CCAR1: variants seen among roughly 807,000 people sequenced by gnomAD.
CCAR1 encodes the protein cell division cycle and apoptosis regulator protein 1.
In CCAR1, 78 loss-of-function variants were observed where a neutral mutation model predicts 163.8. That is an observed-to-expected ratio of 0.48 (90% CI 0.40 to 0.57). CCAR1 has a LOEUF of 0.57. CCAR1 is among the 20% of genes least tolerant of loss of function. CCAR1 has a pLI of 0.00. For missense variants in CCAR1, 1,019 were observed against 1,365.2 expected, an observed-to-expected ratio of 0.75 and a Z score of 4.00; for synonymous variants, 443 against 460.7, an observed-to-expected ratio of 0.96 and a Z score of 0.49.
At chr10:68,768,846 G>A (rs1231942285) in intron 17 of CCAR1, among the ~76,000 whole-genome samples, 1 of 152,038 alleles carries the variant, frequency 6.6e-6, no homozygotes, top group African/African-American at 2.4e-5. Context: ...TGAAAAATAG[G>A]CTAAAATAAA....
At chr10:68,755,821 T>A (rs774030225) in intron 13 of CCAR1, among the ~76,000 whole-genome samples, 12 of 152,254 alleles carry the variant, frequency 7.9e-5, no homozygotes, top group Non-Finnish European at 1.5e-4. Flanking sequence ...CATGCATAGC[T>A]GGAGAAGATC....
At chr10:68,790,129 G>A (rs778923018) in intron 24 of CCAR1, among the ~76,000 whole-genome samples, 12 of 152,032 alleles carry the variant, frequency 7.9e-5, no homozygotes, top group South Asian at 2.1e-4. Context: ...CAACGCGGGC[G>A]GATCACCTGA....
chr10:68,774,706 A>T (rs1239450754), intron 19 of CCAR1, among the ~76,000 whole-genome samples: 1 of 152,150 alleles, frequency 6.6e-6, no homozygotes, highest in African/African-American at 2.4e-5. Flanking sequence ...TATAGAGTTT[A>T]AAGGCTAATA....
At chr10:68,782,956 A>G (rs1259902454) in intron 19 of CCAR1, among the ~76,000 whole-genome samples, 2 of 151,406 alleles carry the variant, frequency 1.3e-5, no homozygotes, top group African/African-American at 4.9e-5. Context: ...TGGCTGCAAC[A>G]TCTATTCTGC....
chr10:68,774,420 C>G (rs928843344), intron 19 of CCAR1, among the ~76,000 whole-genome samples: 4 of 151,884 alleles, frequency 2.6e-5, no homozygotes, highest in South Asian at 4.1e-4. Context: ...GGTGGATCAC[C>G]TGAGGTCAGG....
chr10:68,727,679 A>G (rs1033049261), intron 2 of CCAR1, among the ~76,000 whole-genome samples: 2 of 152,168 alleles, frequency 1.3e-5, no homozygotes, highest in African/African-American at 2.4e-5. Context: ...GTCTTCAGTG[A>G]CAGCCATTCT....
At chr10:68,785,243 CAG>C (rs1177116299) in intron 19 of CCAR1, among the ~76,000 whole-genome samples, 6 of 146,030 alleles carry the variant, frequency 4.1e-5, no homozygotes, top group Non-Finnish European at 9.0e-5. Flanking sequence ...TTTTTTGAGA[CAG>C]GGTCTCGCTT....
At chr10:68,749,733 A>G (rs2056306519) in intron 10 of CCAR1, 48 bp downstream of exon 10, 1 of 1,461,730 alleles carries the variant, frequency 6.8e-7, no homozygotes, top group African/African-American at 1.4e-5. Context: ...AATTTCATAT[A>G]ATTTGATAGA....
intron 15 of CCAR1, 157 bp from the exon 16 acceptor site, chr10:68,760,850 T>A: frequency 2.2e-6 from 1 of 457,156 alleles, no homozygotes. Flanking sequence ...GGCGACAGAG[T>A]TTGGCTCTGT....
Position 68,773,088 on chromosome 10 carries a change from A to T in CCAR1, c.2639A>T (p.Asp880Val). Reference sequence around the variant, plus strand: ...CCTATGGAAGCAGAAGAAGCTGAGGATGAAGAAGATGGTATGATTGAAATT... The same window carrying T: ...CCTATGGAAGCAGAAGAAGCTGAGGTTGAAGAAGATGGTATGATTGAAATT... ...YDPMEAEEAE[D>V]EEDDRDEEEM... The change falls in exon 19 of 25, where the codon GAT (aspartate) becomes GTT (valine). Residue 880 changes from aspartate (D) to valine (V), a missense_variant. Transcript: ENST00000265872. The T allele has an allele frequency of 2.7e-6, 4 of 1,501,146 alleles. No homozygotes were observed. Among genetic ancestry groups the T allele is most frequent in the Non-Finnish European group, 3.6e-6 (4 of 1,098,238 alleles). 93.0% of individuals were successfully genotyped at this position (1,501,146 alleles called of 1,614,324 possible). A position where few individuals can be genotyped will look rare whatever the true frequency, so the allele number is the denominator to read the frequency against.
In CCAR1 at chr10:68,786,203, G is replaced by A. The variant is rs1365531144; in HGVS notation, c.2718G>A (p.Arg906=). 3.1e-6 allele frequency: 5 copies of A among 1,606,536 alleles called. No homozygotes were observed. In the East Asian group the frequency reaches 1.1e-4, roughly 36 times the overall value. The change falls in exon 20 of 25, where the codon AGG becomes AGA. Residue 906 remains arginine, a synonymous_variant. Transcript: ENST00000265872. The part of the protein sequence containing the change: ...KRDINRYCKE[R]PSKDKEKEKT... ...ATATCAACAGATACTGCAAGGAGAG[G>A]CCCTCTAAAGATAAGGTGTTTATTG...
At chr10:68,752,985 G>A (rs1778688579) in intron 10 of CCAR1, among the ~76,000 whole-genome samples, 1 of 150,708 alleles carries the variant, frequency 6.6e-6, no homozygotes, top group African/African-American at 2.4e-5. Context: ...TGAATAGGTA[G>A]GCAGGTAATA....
chr10:68,775,091 G>A (rs1324430832), intron 19 of CCAR1: 1 of 217,956 alleles, frequency 4.6e-6, no homozygotes, highest in Non-Finnish European at 9.3e-6. Flanking sequence ...GTGAACACCT[G>A]TGTATCCATC....
intron 16 of CCAR1, among the ~76,000 whole-genome samples, chr10:68,762,076 TC>T (rs2056478573): frequency 6.6e-6 from 1 of 151,968 alleles, no homozygotes; most frequent in South Asian, 2.1e-4. Flanking sequence ...ATGCCTGTAA[TC>T]CCAGCACTTT....
chr10:68,779,397 T>A (rs2056707801), intron 19 of CCAR1, among the ~76,000 whole-genome samples: 1 of 151,872 alleles, frequency 6.6e-6, no homozygotes, highest in Non-Finnish European at 1.5e-5. Flanking sequence ...TAGCTTAGAT[T>A]ACAGACATGC....
intron 10 of CCAR1, among the ~76,000 whole-genome samples, chr10:68,751,631 G>A (rs1354405436): frequency 6.6e-6 from 1 of 152,032 alleles, no homozygotes; most frequent in South Asian, 2.1e-4. Flanking sequence ...AGGAGGCTGA[G>A]GCGGACAGAT....
chr10:68,779,300 C>T (rs1258003471), intron 19 of CCAR1, among the ~76,000 whole-genome samples: 1 of 151,246 alleles, frequency 6.6e-6, no homozygotes, highest in Admixed American at 6.6e-5. Flanking sequence ...CTCTGTCGCC[C>T]AGCCTGGAGT....
intron 2 of CCAR1, among the ~76,000 whole-genome samples, chr10:68,723,723 CT>C (rs1035530201): frequency 6.6e-6 from 1 of 151,672 alleles, no homozygotes; most frequent in African/African-American, 2.4e-5. Flanking sequence ...TGGCAGGCAC[CT>C]GTAGTCCCAG....
At chr10:68,724,545 C>A (rs184394708) in intron 2 of CCAR1, among the ~76,000 whole-genome samples, 7 of 151,864 alleles carry the variant, frequency 4.6e-5, no homozygotes, top group African/African-American at 1.5e-4. Context: ...CCATCTTGGC[C>A]TCCTAAAGTG....
Sources: allele counts gnomAD v4.1 joint callset (sites outside exome capture counted in the v4.1 genomes callset), GRCh38; gene constraint gnomAD v4.1.1; transcripts MANE v1.5; gene names NCBI Gene and HGNC (gene_info 2026-07-23, HGNC 2026-07-21).